The following CD300LD variants were observed in gnomAD, a reference collection of about 807,000 sequenced individuals.
CD300LD encodes CD300 molecule like family member d.
In CD300LD, 18 loss-of-function variants were observed where a neutral mutation model predicts 20.3. The observed-to-expected ratio is 0.89, with a 90% confidence interval of 0.61 to 1.32. The LOEUF (loss-of-function observed/expected upper bound fraction) is 1.32, where lower values mean the gene tolerates loss of function less well. Among genes scored for constraint, CD300LD ranks in the 40% most tolerant of loss-of-function variants. CD300LD has a pLI of 0.00. For missense variants in CD300LD, 195 were observed against 226.6 expected, an observed-to-expected ratio of 0.86 and a Z score of 0.90; for synonymous variants, 104 against 90.1, an observed-to-expected ratio of 1.15 and a Z score of -0.87.
chr17:74,588,159 G>A lies in CD300LD; in HGVS notation c.379+352C>T, dbSNP rs527298961. Among the ~76,000 whole-genome samples the A allele has an allele frequency of 7.5e-4, 114 of 152,224 alleles. 2 individuals are homozygous for A. The highest frequency in any genetic ancestry group is 2.4e-4 in the Non-Finnish European group (16 of 68,002). On this transcript the variant is annotated intron_variant, in intron 2 of 3. Transcript: ENST00000375352. ...GTGGCTCCAGGCACCTCGTGGTGGC[G>A]GAACTGAGTATGCTAAGTCAGGTCT...
chr17:74,585,102 TA>T (rs2030126519), intron 2 of CD300LD: 1 of 152,210 alleles, frequency 6.6e-6, no homozygotes, highest in African/African-American at 2.4e-5. Context: ...AAGTTTTACT[TA>T]AACAAACTGG....
At chr17:74,585,518 G>T (rs1040952044) in intron 2 of CD300LD, among the ~76,000 whole-genome samples, 3 of 152,122 alleles carry the variant, frequency 2.0e-5, no homozygotes, top group Non-Finnish European at 2.9e-5. Context: ...CCAATACAAA[G>T]AATTTTATGC....
Position 74,582,210 on chromosome 17 carries a change from C to T in CD300LD, c.473+8G>A. On this transcript the variant is annotated splice_region_variant and intron_variant, in intron 3 of 3. Coordinates refer to ENST00000375352, the MANE Select transcript of CD300LD (RefSeq NM_001115152.2). ...TGTGCGAAAGTGGTGGGACCTGGCT[C>T]CACCTACCTGGTGAGGGGGCTGCTG... 1 of 1,613,194 alleles carries T rather than the reference C, an allele frequency of 6.2e-7. No homozygotes were observed. The highest frequency in any genetic ancestry group is 8.5e-7 in the Non-Finnish European group (1 of 1,179,608).
rs545130229 is a variant in CD300LD, at chr17:74,582,408, C to G, written c.380-97G>C. On this transcript the variant is annotated intron_variant, in intron 2 of 3. Transcript: ENST00000375352. ...TCTCCACCTAGGAATTAAGGAGCCT[C>G]TGCCTTGGGGTCCAAGACTGTCTGG... The G allele has an allele frequency of 2.6e-5, 24 of 918,830 alleles. 1 individual carries two copies. The South Asian group carries it at 4.0e-4, about 15-fold the overall frequency. 56.9% of individuals were successfully genotyped at this position (918,830 alleles called of 1,614,324 possible).
At chr17:74,588,202 A>G (rs2143291458) in intron 2 of CD300LD, among the ~76,000 whole-genome samples, 1 of 152,188 alleles carries the variant, frequency 6.6e-6, no homozygotes, top group East Asian at 1.9e-4. Flanking sequence ...TTTTCTTATA[A>G]AGCAGTTCCA....
chr17:74,588,893 G>A lies in CD300LD; in HGVS notation c.41-44C>T, dbSNP rs563559353. The A allele has an allele frequency of 2.8e-5, 40 of 1,440,444 alleles. No homozygotes were observed. In the African/African-American group the frequency reaches 4.6e-4, roughly 17 times the overall value. 89.2% of individuals were successfully genotyped at this position (1,440,444 alleles called of 1,614,324 possible). A position where few individuals can be genotyped will look rare whatever the true frequency, so the allele number is the denominator to read the frequency against. ...TGTGTCGTCACCTCCCACCCCAAGGGCAGGGCCACAGCCTCGTGCATTGGG... is the reference window on the plus strand; with the variant it reads ...TGTGTCGTCACCTCCCACCCCAAGGACAGGGCCACAGCCTCGTGCATTGGG... On this transcript the variant is annotated intron_variant, in intron 1 of 3. Transcript: ENST00000375352.
intron 1 of CD300LD, chr17:74,591,921 T>G: frequency 8.9e-7 from 1 of 1,125,436 alleles, no homozygotes; most frequent in Non-Finnish European, 1.2e-6. Context: ...CAGTCAGGGT[T>G]GAGAACCACT....
chr17:74,583,448 A>G (rs1167627546), intron 2 of CD300LD, among the ~76,000 whole-genome samples: 1 of 152,226 alleles, frequency 6.6e-6, no homozygotes. Context: ...CTCAGGCTCA[A>G]CTGAACCTGC....
At chr17:74,578,895 C>A (rs1479798872), downstream of CD300LD, among the ~76,000 whole-genome samples, 2 of 152,144 alleles carry the variant, frequency 1.3e-5, no homozygotes, top group Non-Finnish European at 2.9e-5. Flanking sequence ...TACTGAGGAC[C>A]CAGCCATCCC....
chr17:74,588,678 T>C lies in CD300LD; in HGVS notation c.212A>G (p.Glu71Gly), dbSNP rs1245764674. The C allele has an allele frequency of 1.9e-6, 3 of 1,614,130 alleles. No individual in the cohort carries two copies. Among genetic ancestry groups the C allele is most frequent in the Non-Finnish European group, 2.5e-6 (3 of 1,180,062 alleles). The change falls in exon 2 of 4, where the codon GAG becomes GGG. Residue 71 changes from glutamate to glycine, a missense_variant. Glu to Gly is a moderately conservative substitution (Grantham distance 98). Transcript: ENST00000375352. ...CNILVKTNGS[E>G]QEVKKNRVSI... ...AACTCGATTCTTCTTTACCTCCTGC[T>C]CTGATCCATTTGTTTTAACAAGGAT...
At chr17:74,581,071 C>A (rs1469243107) in intron 3 of CD300LD, among the ~76,000 whole-genome samples, 1 of 151,916 alleles carries the variant, frequency 6.6e-6, no homozygotes, top group Non-Finnish European at 1.5e-5. Flanking sequence ...AGCATCTTCA[C>A]TCTTGGGGCT....
chr17:74,579,437 T>G lies in CD300LD; in HGVS notation c.*565A>C, dbSNP rs1164827523. 1 of 152,286 alleles carries G rather than the reference T, an allele frequency of 6.6e-6. No homozygotes were observed. The highest frequency in any genetic ancestry group is 1.9e-4 in the East Asian group (1 of 5,196). The allele number at this position is 152,286 out of a possible 1,614,324, so 9.4% of individuals were successfully genotyped here. Reference sequence around the variant, plus strand: ...CATGTTTTCTACTGCATTGGAGACCTCAGAAGGAAGAAGGGCTCTGTCAGG... The same window carrying G: ...CATGTTTTCTACTGCATTGGAGACCGCAGAAGGAAGAAGGGCTCTGTCAGG... On this transcript the variant is annotated 3_prime_UTR_variant, in exon 4 of 4. Coordinates refer to ENST00000375352, the MANE Select transcript of CD300LD (RefSeq NM_001115152.2).
chr17:74,580,579 G>A (rs144072383), intron 3 of CD300LD, among the ~76,000 whole-genome samples: 2 of 152,166 alleles, frequency 1.3e-5, no homozygotes, highest in Non-Finnish European at 2.9e-5. Context: ...CTGTGGACCA[G>A]CACCTGGCCC....
intron 2 of CD300LD, chr17:74,585,000 T>C (rs2030123780): frequency 6.6e-6 from 1 of 152,174 alleles, no homozygotes; most frequent in Admixed American, 6.5e-5. Flanking sequence ...GTCAGTGCCC[T>C]AGAGAGGTAC....
intron 2 of CD300LD, among the ~76,000 whole-genome samples, chr17:74,587,943 G>A (rs1008415058): frequency 6.6e-5 from 10 of 152,122 alleles, no homozygotes; most frequent in South Asian, 4.1e-4. Context: ...AATCCCAAGC[G>A]GTCCTTCAGG....
chr17:74,589,298 C>A, intron 1 of CD300LD, among the ~76,000 whole-genome samples: 1 of 129,364 alleles, frequency 7.7e-6, no homozygotes, highest in South Asian at 2.4e-4. Flanking sequence ...TAGTTAATCA[C>A]CCTGAATGAA....
At chr17:74,581,055 C>T (rs1411312176) in intron 3 of CD300LD, among the ~76,000 whole-genome samples, 1 of 151,980 alleles carries the variant, frequency 6.6e-6, no homozygotes, top group Admixed American at 6.6e-5. Flanking sequence ...CCCAAAGGTC[C>T]TTCCCAGCAT....
chr17:74,588,555 G>T lies in CD300LD; in HGVS notation c.335C>A (p.Pro112His). Residue 112 changes from proline to histidine, a missense_variant, in exon 2 of 4, where the codon CCT (proline) becomes CAT (histidine). Transcript: ENST00000375352. ...AACTTTGACCCCAAGATCAATTCCA[G>T]GTCTCTCAGTCCCACACCAATAACT... ...ADSYWCGTER[P>H]GIDLGVKVQV... 6.2e-7 allele frequency: 1 copy of T among 1,613,788 alleles called. No individual in the cohort carries two copies. Among genetic ancestry groups the T allele is most frequent in the Non-Finnish European group, 8.5e-7 (1 of 1,179,820 alleles).
Position 74,588,676 on chromosome 17 carries a change from G to A in CD300LD, c.214C>T (p.Gln72Ter). The A allele has an allele frequency of 2.5e-6, 4 of 1,614,126 alleles. No individual in the cohort carries two copies. Among genetic ancestry groups the A allele is most frequent in the South Asian group, 1.1e-5 (1 of 91,082 alleles). Reference protein sequence around the residue: ...NILVKTNGSEQEVKKNRVSIR... With the variant: ...NILVKTNGSE ...GAAACTCGATTCTTCTTTACCTCCT[G>A]CTCTGATCCATTTGTTTTAACAAGG... Residue 72 changes from glutamine to a stop codon, truncating the protein, a stop_gained, in exon 2 of 4, where the codon CAG becomes TAG. Coordinates refer to ENST00000375352, the MANE Select transcript of CD300LD (RefSeq NM_001115152.2). LOFTEE classifies it high-confidence loss of function.
Sources: gnomAD v4.1 joint callset for allele counts (sites outside exome capture counted in the v4.1 genomes callset) on GRCh38, gnomAD v4.1.1 for gene constraint, MANE v1.5 for transcripts, NCBI Gene and HGNC (gene_info 2026-07-23, HGNC 2026-07-21) for gene names.